N4BP2: variants seen among roughly 807,000 people sequenced by gnomAD.
The protein encoded by N4BP2 is NEDD4-binding protein 2.
N4BP2 carries 91 observed loss-of-function variants against 152.8 expected under a neutral mutation model. The observed-to-expected ratio is 0.60, with a 90% CI of 0.50 to 0.71. The LOEUF (loss-of-function observed/expected upper bound fraction) is 0.71, where lower values mean the gene tolerates loss of function less well. N4BP2 is among the 30% of genes least tolerant of loss of function. The pLI is 0.00. For synonymous variants in N4BP2, 646 were observed against 705.3 expected (o/e 0.92, Z 1.33); for missense variants, 1,923 against 2,059.1 (o/e 0.93, Z 1.28).
intron 16 of N4BP2, among the ~76,000 whole-genome samples, chr4:40,147,833 C>CT (rs1560645870): frequency 6.7e-6 from 1 of 150,372 alleles, no homozygotes; most frequent in African/African-American, 2.5e-5. Context: ...GGCAGAGACG[C>CT]TCCTCACCTC....
intron 6 of N4BP2, 137 bp downstream of exon 6, chr4:40,112,309 C>T: frequency 1.8e-6 from 1 of 553,228 alleles, no homozygotes; most frequent in South Asian, 2.9e-5. Flanking sequence ...CATTGGTGTT[C>T]AGCAAAATGA....
chr4:40,108,836 G>C (rs1553922527), intron 5 of N4BP2, among the ~76,000 whole-genome samples: 1 of 148,394 alleles, frequency 6.7e-6, no homozygotes, highest in Non-Finnish European at 1.5e-5. Flanking sequence ...TTTTTTTTTG[G>C]AGACAGAGTC....
At chr4:40,057,795 A>C (rs1156737600) in intron 1 of N4BP2, among the ~76,000 whole-genome samples, 1 of 151,952 alleles carries the variant, frequency 6.6e-6, no homozygotes, top group Non-Finnish European at 1.5e-5. Context: ...CCTCCGAAAG[A>C]GAGCTAGAGT....
chr4:40,124,174 A>G lies in N4BP2; in HGVS notation c.4299A>G (p.Gln1433=), dbSNP rs1179404457. 1.2e-6 allele frequency: 2 copies of G among 1,609,720 alleles called. No homozygotes were observed. The highest frequency in any genetic ancestry group is 2.2e-5 in the East Asian group (1 of 44,758). Residue 1433 remains glutamine, a synonymous_variant, in exon 11 of 18, where the codon CAA becomes CAG. Coordinates refer to ENST00000261435, the MANE Select transcript of N4BP2 (RefSeq NM_018177.6). ...WKESVMERQR[Q]EEVSCGKFMQ... is the part of the protein sequence containing the mutation. ...TTTGTGTTTAGGAGCGACAAAGACAAGAAGAGGTGTCTTGTGGCAAGTTTA... is the reference window on the plus strand; with the variant it reads ...TTTGTGTTTAGGAGCGACAAAGACAGGAAGAGGTGTCTTGTGGCAAGTTTA...
intron 17 of N4BP2, among the ~76,000 whole-genome samples, chr4:40,153,496 A>G (rs977841415): frequency 2.0e-5 from 3 of 152,216 alleles, no homozygotes; most frequent in Non-Finnish European, 4.4e-5. Flanking sequence ...GTTCTTTTTC[A>G]TTAAGTGATA....
In N4BP2 at chr4:40,102,470, A is replaced by C; in HGVS notation, c.625A>C (p.Thr209Pro). ...TGAAAATTTAGAGAATTCTGGTTCTACTTTAAGTTTAAACCCATTACCTTC... is the reference window on the plus strand; with the variant it reads ...TGAAAATTTAGAGAATTCTGGTTCTCCTTTAAGTTTAAACCCATTACCTTC... ...NGENLENSGS[T>P]LSLNPLPSHS... The change falls in exon 4 of 18, where the codon ACT (threonine) becomes CCT (proline). Residue 209 changes from threonine (T) to proline (P), a missense_variant. Coordinates refer to ENST00000261435, the MANE Select transcript of N4BP2 (RefSeq NM_018177.6). The C allele has an allele frequency of 6.2e-7, 1 of 1,613,920 alleles. No homozygotes were observed.
chr4:40,162,909 C>G (rs67569805), downstream of N4BP2, among the ~76,000 whole-genome samples: 29,112 of 152,082 alleles, frequency 0.19, 3,563 homozygotes, highest in Admixed American at 0.28. Flanking sequence ...TCTTTCAGTT[C>G]AAGTGTGAAG....
intron 1 of N4BP2, among the ~76,000 whole-genome samples, chr4:40,069,865 G>A (rs936779341): frequency 7.2e-5 from 11 of 152,152 alleles, no homozygotes; most frequent in Non-Finnish European, 1.6e-4. Context: ...CAAAGCTGTA[G>A]TGTTGTACCA....
At chr4:40,164,603 A>G in the N4BP2 span, among the ~76,000 whole-genome samples, 1 of 152,200 alleles carries the variant, frequency 6.6e-6, no homozygotes, top group Admixed American at 6.5e-5. Flanking sequence ...AGAAAGAATT[A>G]TAAGGATTAA....
intron 3 of N4BP2, among the ~76,000 whole-genome samples, chr4:40,099,117 C>CTT (rs1160759505): frequency 6.6e-6 from 1 of 152,034 alleles, no homozygotes; most frequent in African/African-American, 2.4e-5. Flanking sequence ...GTAAGAACTG[C>CTT]TTTGGCTCTT....
At chr4:40,099,701 C>G (rs1715441962) in intron 3 of N4BP2, among the ~76,000 whole-genome samples, 1 of 150,804 alleles carries the variant, frequency 6.6e-6, no homozygotes, top group African/African-American at 2.4e-5. Flanking sequence ...TTTTTTATAC[C>G]ATGGTTTTAA....
chr4:40,104,807 CTT>C (rs397976537), intron 4 of N4BP2, among the ~76,000 whole-genome samples: 22 of 142,382 alleles, frequency 1.5e-4, no homozygotes, highest in Non-Finnish European at 1.7e-4. Context: ...CCTGCGTTGT[CTT>C]TTTTTTTTTT....
chr4:40,165,297 G>T, the N4BP2 span, among the ~76,000 whole-genome samples: 3 of 151,964 alleles, frequency 2.0e-5, no homozygotes, highest in Non-Finnish European at 4.4e-5. Flanking sequence ...CACCCAGGCT[G>T]GAGTACAGTG....
chr4:40,113,603 AT>A (rs1717096554), intron 7 of N4BP2, 95 bp downstream of exon 7: 2 of 827,280 alleles, frequency 2.4e-6, no homozygotes, highest in South Asian at 1.5e-5. Flanking sequence ...GAATGAATTG[AT>A]TAGATTGTAA....
At position 40,121,941 on chromosome 4, in the gene N4BP2, A is replaced by G. The variant is rs376307079; in HGVS notation, c.3830A>G (p.Asn1277Ser). The G allele has an allele frequency of 1.5e-5, 24 of 1,576,242 alleles. No individual in the cohort carries two copies. Among genetic ancestry groups the G allele is most frequent in the African/African-American group, 1.5e-4 (11 of 72,872 alleles). The part of the protein sequence containing the change: ...KNLVVTETGD[N>S]IHSPSHFSDI... ...CTAGTAGTCACAGAGACTGGAGACA[A>G]CATACATTCTCCTTCACATTTCTCT... The change falls in exon 9 of 18, where the codon AAC (asparagine) becomes AGC (serine). Residue 1277 changes from asparagine to serine, a missense_variant. Physicochemically the swap from Asn to Ser is conservative, Grantham distance 46 (BLOSUM62 1). Coordinates refer to ENST00000261435, the MANE Select transcript of N4BP2 (RefSeq NM_018177.6).
chr4:40,113,197 C>T (rs1717046642), intron 6 of N4BP2, among the ~76,000 whole-genome samples: 2 of 152,060 alleles, frequency 1.3e-5, no homozygotes, highest in Admixed American at 1.3e-4. Context: ...ACTGGCTATC[C>T]TGGCATATAT....
chr4:40,102,336 T>C lies in N4BP2; in HGVS notation c.491T>C (p.Phe164Ser). 6.2e-7 allele frequency: 1 copy of C among 1,613,580 alleles called. No homozygotes were observed. Among genetic ancestry groups the C allele is most frequent in the Non-Finnish European group, 8.5e-7 (1 of 1,179,830 alleles). ...NSSPDDQVYSFLPSQDVNSFN... is the reference protein window; with the variant it reads ...NSSPDDQVYSSLPSQDVNSFN... ...TCTCCTGATGACCAAGTATACTCAT[T>C]TTTGCCTTCACAAGATGTTAATAGT... Residue 164 changes from phenylalanine (F) to serine (S), a missense_variant, in exon 4 of 18, where the codon TTT becomes TCT. Coordinates refer to ENST00000261435, the MANE Select transcript of N4BP2 (RefSeq NM_018177.6).
At chr4:40,073,327 C>T (rs1050165846) in intron 1 of N4BP2, 128 bp from the exon 2 acceptor site, 3 of 152,046 alleles carry the variant, frequency 2.0e-5, no homozygotes, top group Non-Finnish European at 4.4e-5. Context: ...CTTGTCTTTT[C>T]TCTTTTGTCA....
At chr4:40,167,570 A>C in the N4BP2 span, 5 of 152,234 alleles carry the variant, frequency 3.3e-5, no homozygotes, top group African/African-American at 1.2e-4. Flanking sequence ...CACCTGCCAG[A>C]GTGAAAGGGA....
Sources: gnomAD v4.1 joint callset for allele counts (sites outside exome capture counted in the v4.1 genomes callset) on GRCh38, gnomAD v4.1.1 for gene constraint, MANE v1.5 for transcripts, NCBI Gene and HGNC (gene_info 2026-07-23, HGNC 2026-07-21) for gene names.